The following IARS1 variants were observed in gnomAD, a reference collection of about 807,000 sequenced individuals.
IARS1 encodes isoleucine--tRNA ligase, cytoplasmic.
In IARS1, 124 loss-of-function variants were observed where a neutral mutation model predicts 168.2. The ratio of observed to expected loss-of-function variants is 0.74; its 90% confidence interval spans 0.64 to 0.86. IARS1 has a LOEUF of 0.86. Among genes scored for constraint, IARS1 ranks in the 40% least tolerant of loss-of-function variants. IARS1 has a pLI of 0.00. For missense variants in IARS1, 1,452 were observed against 1,515.8 expected (o/e 0.96, Z 0.70); for synonymous variants, 532 against 529.4 (o/e 1.00, Z -0.07).
chr9:92,267,515 CCTGT>C (rs949359899), intron 14 of IARS1, among the ~76,000 whole-genome samples: 85 of 152,246 alleles, frequency 5.6e-4, no homozygotes, highest in African/African-American at 1.8e-3. Flanking sequence ...CACCACCATG[CCTGT>C]CTAATTTAAC....
intron 20 of IARS1, 45 bp downstream of exon 20, chr9:92,256,635 G>A (rs1399545449): frequency 1.9e-6 from 3 of 1,549,128 alleles, no homozygotes; most frequent in Admixed American, 3.8e-5. Context: ...CAGTTACAAA[G>A]AGAATAGTCC....
At chr9:92,254,180 C>G (rs899963036) in intron 20 of IARS1, among the ~76,000 whole-genome samples, 9 of 152,102 alleles carry the variant, frequency 5.9e-5, no homozygotes, top group African/African-American at 2.2e-4. Flanking sequence ...GTAAAAACAG[C>G]ATCAGAGGTA....
intron 2 of IARS1, among the ~76,000 whole-genome samples, chr9:92,288,860 A>C (rs1223351435): frequency 6.6e-6 from 1 of 152,188 alleles, no homozygotes; most frequent in Non-Finnish European, 1.5e-5. Context: ...TCTACTACTG[A>C]GTACCCACTA....
chr9:92,229,362 C>CACACACACT (rs1826293088), intron 30 of IARS1, among the ~76,000 whole-genome samples: 1 of 128,404 alleles, frequency 7.8e-6, no homozygotes, highest in Non-Finnish European at 1.8e-5. Flanking sequence ...ATACACTACA[C>CACACACACT]ACACACACAC....
chr9:92,244,477 G>T (rs1828897476), intron 27 of IARS1, among the ~76,000 whole-genome samples: 1 of 152,188 alleles, frequency 6.6e-6, no homozygotes, highest in Admixed American at 6.5e-5. Context: ...GGACTGCAAA[G>T]AGATAGTCTC....
chr9:92,240,324 T>C (rs904278049), intron 30 of IARS1: 26 of 243,290 alleles, frequency 1.1e-4, no homozygotes, highest in African/African-American at 5.2e-4. Context: ...AGTGCAATGG[T>C]GCAATCTCAG....
chr9:92,229,097 CT>C lies in IARS1; in HGVS notation c.3312del (p.Gly1105ValfsTer8). The C allele has an allele frequency of 6.2e-7, 1 of 1,613,866 alleles. No individual in the cohort carries two copies. The highest frequency in any genetic ancestry group is 8.5e-7 in the Non-Finnish European group (1 of 1,179,940). ...QGGVLLLENP[K>X]GDNRLDLLKL... ...TTTAAAAGGTCCAACCTATTGTCAC[CT>C]TTTGGATTTTCCAGGAGCAATACTC... On this transcript the variant is annotated frameshift_variant, in exon 31 of 34. Transcript: ENST00000443024. LOFTEE classifies it high-confidence loss of function.
intron 19 of IARS1, among the ~76,000 whole-genome samples, chr9:92,258,642 T>C (rs1831071742): frequency 6.6e-6 from 1 of 152,194 alleles, no homozygotes; most frequent in Admixed American, 6.5e-5. Context: ...ATAACTCTTT[T>C]GCAGGCTAGG....
intron 31 of IARS1, among the ~76,000 whole-genome samples, chr9:92,227,815 G>T (rs1196972527): frequency 1.3e-5 from 2 of 150,560 alleles, no homozygotes; most frequent in African/African-American, 4.9e-5. Flanking sequence ...TCCTAGATGG[G>T]ATGGCGGCCG....
chr9:92,241,129 T>C (rs1828338940), intron 29 of IARS1, among the ~76,000 whole-genome samples, 168 bp from the exon 30 acceptor site: 1 of 152,220 alleles, frequency 6.6e-6, no homozygotes, highest in Non-Finnish European at 1.5e-5. Context: ...TATCCCATTT[T>C]TCTTCTCTTC....
chr9:92,250,724 C>A lies in IARS1; in HGVS notation c.2418G>T (p.Leu806=). The change falls in exon 23 of 34, where the codon CTG becomes CTT. Residue 806 remains leucine (L), a synonymous_variant. Transcript: ENST00000443024. ...KDTLSIHYLM[L]PRVREELIDK... is the part of the protein sequence containing the mutation. ...TATTTGAGTCCTACCGAACACGGGGCAGCATGAGGTAGTGAATGCTGAGTG... is the reference window on the plus strand; with the variant it reads ...TATTTGAGTCCTACCGAACACGGGGAAGCATGAGGTAGTGAATGCTGAGTG... The A allele has an allele frequency of 6.2e-7, 1 of 1,609,042 alleles. No individual in the cohort carries two copies. The highest frequency in any genetic ancestry group is 8.5e-7 in the Non-Finnish European group (1 of 1,177,944).
Position 92,223,430 on chromosome 9 carries a change from C to A in IARS1, c.3469G>T (p.Gly1157Ter). The part of the protein sequence containing the change: ...LSGKTLCVTA[G>*]SAPSLINSSS... ...CTGTTGATCAGAGAGGGAGCCGATC[C>A]TGCAGTCACACAAAGTGTTTTTCCA... Residue 1157 changes from glycine (G) to a stop codon, truncating the protein, a stop_gained, in exon 32 of 34, where the codon GGA (glycine) becomes TGA (stop). Transcript: ENST00000443024. LOFTEE classifies it high-confidence loss of function. 6.2e-7 allele frequency: 1 copy of A among 1,614,014 alleles called. No individual in the cohort carries two copies. Among genetic ancestry groups the A allele is most frequent in the Non-Finnish European group, 8.5e-7 (1 of 1,179,886 alleles).
intron 28 of IARS1, 121 bp from the exon 29 acceptor site, chr9:92,242,451 C>T (rs1828578472): frequency 2.9e-6 from 2 of 695,378 alleles, no homozygotes; most frequent in South Asian, 2.0e-5. Flanking sequence ...GGGCAGTCAC[C>T]CTTCCCTCCC....
rs1833989473 is a variant in IARS1, at chr9:92,277,887, C to T, written c.870G>A (p.Arg290=). Residue 290 remains arginine, a synonymous_variant, in exon 9 of 34, where the codon AGG becomes AGA. Coordinates refer to ENST00000443024, the MANE Select transcript of IARS1 (RefSeq NM_002161.6). ...CCTTCAGGAAATAGTCAAACAGGGG[C>T]CTGTACTTCTTGCCTTTAAGATAGG... ...PGAYLKGKKY[R]PLFDYFLKCK... The T allele has an allele frequency of 1.2e-6, 2 of 1,613,890 alleles. No homozygotes were observed. The highest frequency in any genetic ancestry group is 1.7e-6 in the Non-Finnish European group (2 of 1,179,902).
chr9:92,262,994 T>C lies in IARS1; in HGVS notation c.1762A>G (p.Ile588Val), dbSNP rs1831747838. 1.9e-6 allele frequency: 3 copies of C among 1,613,856 alleles called. No individual in the cohort carries two copies. The highest frequency in any genetic ancestry group is 2.7e-5 in the African/African-American group (2 of 74,892). Residue 588 changes from isoleucine to valine, a missense_variant, in exon 17 of 34, where the codon ATT (isoleucine) becomes GTT (valine). Ile to Val is a conservative substitution (Grantham distance 29). Coordinates refer to ENST00000443024, the MANE Select transcript of IARS1 (RefSeq NM_002161.6). The part of the protein sequence containing the change: ...LFGQPPFKNV[I>V]VNGLVLASDG... ...CTTGCCAGGACAAGCCCATTCACAA[T>C]TACGTTCTTGAAAGGCGGTTGTCCA...
In IARS1 at chr9:92,216,306, T is replaced by C. The variant is rs1294942370; in HGVS notation, c.3707-5417A>G. On this transcript the variant is annotated intron_variant, in intron 33 of 33. Coordinates refer to ENST00000443024, the MANE Select transcript of IARS1 (RefSeq NM_002161.6). ...ATGGAAAGGAACAACCGGTACCAGC[T>C]GCTGCAAAATCATGCCAAAATGTAA... Among the ~76,000 whole-genome samples the C allele has an allele frequency of 9.3e-5, 14 of 151,020 alleles. No homozygotes were observed. The East Asian group carries it at 1.4e-3, about 15-fold the overall frequency.
At chr9:92,253,955 T>C (rs994370759) in intron 20 of IARS1, 27 of 448,076 alleles carry the variant, frequency 6.0e-5, no homozygotes, top group African/African-American at 4.4e-4. Context: ...TTGTCAACGT[T>C]TGGAGAAACA....
At position 92,240,878 on chromosome 9, in the gene IARS1, A is replaced by C; in HGVS notation, c.3261T>G (p.Ile1087Met). 6.2e-7 allele frequency: 1 copy of C among 1,611,424 alleles called. No individual in the cohort carries two copies. Among genetic ancestry groups the C allele is most frequent in the East Asian group, 2.2e-5 (1 of 44,858 alleles). ...GPACAYVNLN[I>M]CANGSEQGGV... ...TACCTTGTTCACTGCCATTTGCACA[A>C]ATGTTAAGATTGACATATGCACAAG... The change falls in exon 30 of 34, where the codon ATT becomes ATG. Residue 1087 changes from isoleucine to methionine, a missense_variant. Coordinates refer to ENST00000443024, the MANE Select transcript of IARS1 (RefSeq NM_002161.6).
At chr9:92,249,355 C>T (rs1171365758) in intron 25 of IARS1, among the ~76,000 whole-genome samples, 1 of 152,108 alleles carries the variant, frequency 6.6e-6, no homozygotes, top group South Asian at 2.1e-4. Flanking sequence ...AGTTTGAGAC[C>T]AACCTGGCCA....
Sources: allele counts gnomAD v4.1 joint callset (sites outside exome capture counted in the v4.1 genomes callset), GRCh38; gene constraint gnomAD v4.1.1; transcripts MANE v1.5; gene names NCBI Gene and HGNC (gene_info 2026-07-23, HGNC 2026-07-21).